Variants in WDR1 observed in about 807,000 individuals in gnomAD.
WDR1 encodes WD repeat domain 1, also known as WD repeat-containing protein 1.
Under a neutral mutation model 71.9 loss-of-function variants are expected in WDR1, and 21 were observed. That is an observed-to-expected ratio of 0.29 (90% confidence interval 0.21 to 0.42). The LOEUF is 0.42. Among genes scored for constraint, WDR1 ranks in the 10% least tolerant of loss-of-function variants. The pLI is 1.00. For synonymous variants in WDR1, 424 were observed against 347.4 expected (o/e 1.22, Z -2.45); for missense variants, 696 against 824.5 (o/e 0.84, Z 1.91).
chr4:10,084,569 C>T, intron 8 of WDR1, 39 bp from the exon 9 acceptor site: 1 of 1,584,238 alleles, frequency 6.3e-7, no homozygotes, highest in Non-Finnish European at 8.7e-7. Context: ...GCTGATGACA[C>T]ACTGCCCTGC....
intron 2 of WDR1, among the ~76,000 whole-genome samples, chr4:10,110,313 G>A (rs1452183472): frequency 6.6e-6 from 1 of 152,208 alleles, no homozygotes; most frequent in Non-Finnish European, 1.5e-5. Flanking sequence ...CCTTGCAGAA[G>A]GTGGAGGTCA....
At chr4:10,077,014 C>T in intron 14 of WDR1, 2 of 400,316 alleles carry the variant, frequency 5.0e-6, no homozygotes, top group Non-Finnish European at 9.0e-6. Context: ...AGACCCTGGT[C>T]CCAGGTGGGA....
intron 2 of WDR1, among the ~76,000 whole-genome samples, chr4:10,109,638 T>C (rs1713227766): frequency 6.6e-6 from 1 of 152,208 alleles, no homozygotes; most frequent in African/African-American, 2.4e-5. Flanking sequence ...CGTGTGGCCC[T>C]GCACAGCAGC....
chr4:10,107,549 TACCCCAACCCATGGCCCCTC>T (rs1713096062), intron 2 of WDR1, among the ~76,000 whole-genome samples: 1 of 152,104 alleles, frequency 6.6e-6, no homozygotes, highest in African/African-American at 2.4e-5. Flanking sequence ...TTGGGCTGAC[TACCCCAACCCATGGCCCCTC>T]ACCCCAACCC....
intron 5 of WDR1, chr4:10,094,979 C>G (rs1408154026): frequency 6.6e-6 from 1 of 152,324 alleles, no homozygotes; most frequent in Non-Finnish European, 1.5e-5. Context: ...TACGCCAGTC[C>G]CTCTCCCACC....
At chr4:10,079,360 A>T (rs1764926463) in intron 11 of WDR1, among the ~76,000 whole-genome samples, 1 of 152,276 alleles carries the variant, frequency 6.6e-6, no homozygotes, top group Non-Finnish European at 1.5e-5. Flanking sequence ...AAACAGCGAC[A>T]GCCCCTAGGC....
chr4:10,075,623 A>G, intron 14 of WDR1, 139 bp from the exon 15 acceptor site: 1 of 765,050 alleles, frequency 1.3e-6, no homozygotes, highest in South Asian at 1.7e-5. Flanking sequence ...GTAACTCAGG[A>G]GCCTGGCACG....
Position 10,078,875 on chromosome 4 carries a change from G to C in WDR1, c.1395+16C>G. ...TACCAAGGACAGAGAGCACGGGGGA[G>C]AGGAAAGCGACTTACCACACCCCCA... On this transcript the variant is annotated intron_variant, in intron 12 of 14. Coordinates refer to ENST00000499869, the MANE Select transcript of WDR1 (RefSeq NM_017491.5). The C allele has an allele frequency of 6.2e-7, 1 of 1,606,910 alleles. No homozygotes were observed. The highest frequency in any genetic ancestry group is 8.5e-7 in the Non-Finnish European group (1 of 1,174,572).
At chr4:10,083,472 A>G (rs555996925) in intron 9 of WDR1, 186 of 535,012 alleles carry the variant, frequency 3.5e-4, no homozygotes, top group African/African-American at 3.0e-3. Flanking sequence ...GCTACTAGTT[A>G]TCGGGTAGGC....
At chr4:10,115,828 G>A in intron 2 of WDR1, 1 of 382,148 alleles carries the variant, frequency 2.6e-6, no homozygotes, top group Admixed American at 4.3e-5. Context: ...GCCTGACCGT[G>A]CTTAGCTTCC....
Position 10,115,881 on chromosome 4 carries a change from A to G in WDR1, c.138+232T>C, listed in dbSNP as rs937934824. On this transcript the variant is annotated intron_variant, in intron 2 of 14. Transcript: ENST00000499869. ...GGCGCTTTCAGGGTGCTATGACCGT[A>G]GACAGAAACGAACTAAGACTCAGTT... 2.9e-5 allele frequency: 16 copies of G among 555,750 alleles called. 1 individual carries two copies. The highest frequency in any genetic ancestry group is 2.8e-4 in the South Asian group (13 of 46,596). 34.4% of individuals were successfully genotyped at this position (555,750 alleles called of 1,614,324 possible). A position where few individuals can be genotyped will look rare whatever the true frequency, so the allele number is the denominator to read the frequency against.
At chr4:10,091,363 G>A (rs114853626) in intron 5 of WDR1, among the ~76,000 whole-genome samples, 2 of 152,324 alleles carry the variant, frequency 1.3e-5, no homozygotes, top group African/African-American at 4.8e-5. Flanking sequence ...CAGAAGGCCC[G>A]ATCCACTCAG....
intron 2 of WDR1, among the ~76,000 whole-genome samples, chr4:10,114,431 A>C (rs1323567723): frequency 6.6e-6 from 1 of 152,128 alleles, no homozygotes; most frequent in African/African-American, 2.4e-5. Context: ...AGAGTAACGG[A>C]CCCATGTGGG....
intron 4 of WDR1, 62 bp downstream of exon 4, chr4:10,098,930 A>G: frequency 1.2e-6 from 2 of 1,602,342 alleles, no homozygotes; most frequent in Admixed American, 1.7e-5. Context: ...TCCCAGGGTC[A>G]TAGCACATGG....
At chr4:10,103,854 A>G in intron 3 of WDR1, 42 bp downstream of exon 3, 1 of 1,246,936 alleles carries the variant, frequency 8.0e-7, no homozygotes, top group Non-Finnish European at 1.0e-6. Context: ...AGCGCCACCC[A>G]GGCCCCCACA....
chr4:10,110,983 T>C (rs1039378467), intron 2 of WDR1, among the ~76,000 whole-genome samples: 5 of 152,184 alleles, frequency 3.3e-5, no homozygotes, highest in African/African-American at 1.2e-4. Flanking sequence ...AGGGGCTTAG[T>C]GAACATGTGT....
At chr4:10,090,513 TGATGCGA>T in intron 5 of WDR1, among the ~76,000 whole-genome samples, 1 of 151,984 alleles carries the variant, frequency 6.6e-6, no homozygotes, top group Non-Finnish European at 1.5e-5. Flanking sequence ...GGCCCAAGAG[TGATGCGA>T]CCCCAGACCT....
chr4:10,110,701 C>T (rs1713297602), intron 2 of WDR1, among the ~76,000 whole-genome samples: 2 of 152,256 alleles, frequency 1.3e-5, no homozygotes, highest in South Asian at 4.1e-4. Flanking sequence ...TCTTTTGAAG[C>T]ACTTAACCTG....
At chr4:10,105,278 G>A (rs1361528079) in intron 2 of WDR1, among the ~76,000 whole-genome samples, 1 of 152,136 alleles carries the variant, frequency 6.6e-6, no homozygotes, top group Non-Finnish European at 1.5e-5. Context: ...CAACTCTGCT[G>A]TGCCCTGCTT....
Sources: allele counts gnomAD v4.1 joint callset (sites outside exome capture counted in the v4.1 genomes callset), GRCh38; gene constraint gnomAD v4.1.1; transcripts MANE v1.5; gene names NCBI Gene and HGNC (gene_info 2026-07-23, HGNC 2026-07-21).